Variants in SLC12A2 observed in about 807,000 individuals in gnomAD.
SLC12A2 encodes solute carrier family 12 member 2.
A neutral mutation model predicts 136.3 loss-of-function variants in SLC12A2; 67 were observed. The ratio of observed to expected loss-of-function variants is 0.49; its 90% CI spans 0.40 to 0.60. The LOEUF (loss-of-function observed/expected upper bound fraction) is 0.60, where lower values mean the gene tolerates loss of function less well. Among genes scored for constraint, SLC12A2 ranks in the 20% least tolerant of loss-of-function variants. The pLI, the probability that SLC12A2 is intolerant of heterozygous loss-of-function variation, is 0.00. For synonymous variants in SLC12A2, 619 were observed against 562.9 expected (o/e 1.10, Z -1.41); for missense variants, 1,322 against 1,534.7 (o/e 0.86, Z 2.32).
chr5:128,087,110 T>C (rs1324695189), intron 1 of SLC12A2, among the ~76,000 whole-genome samples: 6 of 152,232 alleles, frequency 3.9e-5, no homozygotes, highest in Non-Finnish European at 8.8e-5. Flanking sequence ...TTGAATTCCT[T>C]TCATTATCCA....
chr5:128,165,118 C>T (rs980498258), intron 17 of SLC12A2, among the ~76,000 whole-genome samples: 1 of 152,016 alleles, frequency 6.6e-6, no homozygotes, highest in Non-Finnish European at 1.5e-5. Context: ...CTGGGATTAT[C>T]GGCATGAGCA....
chr5:128,174,422 TAAG>T lies in SLC12A2; in HGVS notation c.2804-115_2804-113del, dbSNP rs150215270. 0.038 allele frequency: 26,633 copies of T among 695,390 alleles called. 654 individuals carry two copies. The highest frequency in any genetic ancestry group is 0.044 in the Non-Finnish European group (19,085 of 429,052). 43.1% of individuals were successfully genotyped at this position (695,390 alleles called of 1,614,324 possible). ...AAACAGATTATCATAGTTGTTTAAA[TAAG>T]AAGCCATTTATAATAAACTTATTTT... On this transcript the variant is annotated intron_variant, in intron 19 of 26. Coordinates refer to ENST00000262461, the MANE Select transcript of SLC12A2 (RefSeq NM_001046.3).
intron 1 of SLC12A2, among the ~76,000 whole-genome samples, chr5:128,112,168 A>G (rs1448898573): frequency 2.0e-5 from 3 of 152,216 alleles, no homozygotes; most frequent in Non-Finnish European, 4.4e-5. Flanking sequence ...GAATTATGGA[A>G]TCAGCTATGA....
chr5:128,133,494 G>A (rs56373206), intron 5 of SLC12A2, among the ~76,000 whole-genome samples: 3,121 of 152,136 alleles, frequency 0.021, 55 homozygotes, highest in Non-Finnish European at 0.031. Context: ...ATTATAATCT[G>A]TACTTTAGTC....
intron 4 of SLC12A2, among the ~76,000 whole-genome samples, chr5:128,130,408 A>T (rs544318947): frequency 6.6e-6 from 1 of 151,210 alleles, no homozygotes; most frequent in East Asian, 2.0e-4. Context: ...CCAGCTACTC[A>T]GGAGGCTGAG....
rs549053582 is a variant in SLC12A2 at position 128,134,518 on chromosome 5, C to T, written c.1299+243C>T. On this transcript the variant is annotated intron_variant, in intron 6 of 26. Transcript: ENST00000262461. ...GTAAATTTTGAATTTCCCGCCTTCT[C>T]GCCCATCCTCCAGTTTTGCAGTATG... Among the ~76,000 whole-genome samples, 10 of 152,128 alleles carry T rather than the reference C, an allele frequency of 6.6e-5. 1 individual carries two copies. The highest frequency in any genetic ancestry group is 5.9e-4 in the Admixed American group (9 of 15,292).
intron 17 of SLC12A2, among the ~76,000 whole-genome samples, chr5:128,167,525 A>G (rs1372630199): frequency 1.3e-5 from 2 of 152,116 alleles, no homozygotes; most frequent in African/African-American, 4.8e-5. Context: ...AAATATGTAC[A>G]TTTAGAATTT....
chr5:128,121,008 G>T (rs1761554001), intron 4 of SLC12A2, among the ~76,000 whole-genome samples: 1 of 152,092 alleles, frequency 6.6e-6, no homozygotes, highest in Non-Finnish European at 1.5e-5. Context: ...TTATGTGTTT[G>T]CAGCTTTGCG....
chr5:128,133,066 G>GT (rs901669716), intron 5 of SLC12A2, among the ~76,000 whole-genome samples: 3 of 150,308 alleles, frequency 2.0e-5, no homozygotes, highest in African/African-American at 4.9e-5. Flanking sequence ...CACTAGTACC[G>GT]TTTTTTTTCA....
rs768815052 is a variant in SLC12A2, at chr5:128,174,553, C to T, written c.2816C>T (p.Ser939Leu). ...TTTCTGTCTACAGAAGAATTATTGT[C>T]ATCACAAGAGAAATCTCCTGGCACC... ...SHLQGQEELL[S>L]SQEKSPGTKD... The change falls in exon 20 of 27, where the codon TCA becomes TTA. Residue 939 changes from serine to leucine, a missense_variant. Coordinates refer to ENST00000262461, the MANE Select transcript of SLC12A2 (RefSeq NM_001046.3). The T allele has an allele frequency of 6.9e-6, 11 of 1,603,728 alleles. No individual in the cohort carries two copies. Among genetic ancestry groups the T allele is most frequent in the Non-Finnish European group, 8.5e-6 (10 of 1,174,428 alleles).
chr5:128,157,939 GC>G (rs1762913775), intron 15 of SLC12A2, 113 bp from the exon 16 acceptor site: 2 of 732,066 alleles, frequency 2.7e-6, no homozygotes, highest in South Asian at 4.0e-5. Flanking sequence ...GAATCCTGTG[GC>G]CTGTGTCTTA....
intron 1 of SLC12A2, chr5:128,109,418 G>A (rs1761063515): frequency 1.5e-5 from 5 of 342,180 alleles, no homozygotes; most frequent in East Asian, 6.8e-5. Context: ...CCGAAGCCTC[G>A]GCTGCTTCTG....
At chr5:128,171,948 G>C (rs1763388601) in intron 19 of SLC12A2, 2 of 404,420 alleles carry the variant, frequency 4.9e-6, no homozygotes, top group Non-Finnish European at 8.6e-6. Flanking sequence ...GATGGTTAGT[G>C]ATTATTTGGA....
intron 4 of SLC12A2, among the ~76,000 whole-genome samples, chr5:128,124,244 C>T (rs887439353): frequency 4.6e-5 from 7 of 152,150 alleles, no homozygotes; most frequent in Non-Finnish European, 1.0e-4. Context: ...TGTGGGTTTT[C>T]CCCACACAAA....
At chr5:128,090,917 G>A (rs1325590642) in intron 1 of SLC12A2, among the ~76,000 whole-genome samples, 2 of 152,140 alleles carry the variant, frequency 1.3e-5, no homozygotes, top group Non-Finnish European at 2.9e-5. Flanking sequence ...TAAAGACTTA[G>A]GATTTTACTC....
intron 1 of SLC12A2, among the ~76,000 whole-genome samples, chr5:128,112,273 G>A (rs1161484667): frequency 6.6e-6 from 1 of 152,200 alleles, no homozygotes; most frequent in Non-Finnish European, 1.5e-5. Context: ...GGAAAGCAAT[G>A]AAAAGCACTG....
chr5:128,160,835 G>T (rs1283091733), intron 16 of SLC12A2, among the ~76,000 whole-genome samples: 1 of 148,930 alleles, frequency 6.7e-6, no homozygotes, highest in African/African-American at 2.5e-5. Context: ...AAGTCAAGGG[G>T]TGTGTGTTTG....
Position 128,167,887 on chromosome 5 carries a change from A to T in SLC12A2, c.2723+20A>T. On this transcript the variant is annotated intron_variant, in intron 18 of 26. Coordinates refer to ENST00000262461, the MANE Select transcript of SLC12A2 (RefSeq NM_001046.3). ...ATTTCAGTAAGTATCTTTTTAATTC[A>T]ATAATTTAGTTCATTTAGAAAATGT... The T allele has an allele frequency of 1.5e-6, 2 of 1,353,714 alleles. No homozygotes were observed. Among genetic ancestry groups the T allele is most frequent in the Non-Finnish European group, 2.0e-6 (2 of 981,106 alleles). The allele number at this position is 1,353,714 out of a possible 1,614,324, so 83.9% of individuals were successfully genotyped here. A position where few individuals can be genotyped will look rare whatever the true frequency, so the allele number is the denominator to read the frequency against.
intron 4 of SLC12A2, among the ~76,000 whole-genome samples, chr5:128,127,797 T>A (rs1225734648): frequency 6.6e-6 from 1 of 152,126 alleles, no homozygotes; most frequent in Non-Finnish European, 1.5e-5. Context: ...CATTCCTAAT[T>A]TACTTTTTTC....
Sources: gnomAD v4.1 joint callset for allele counts (sites outside exome capture counted in the v4.1 genomes callset) on GRCh38, gnomAD v4.1.1 for gene constraint, MANE v1.5 for transcripts, NCBI Gene and HGNC (gene_info 2026-07-23, HGNC 2026-07-21) for gene names.